The following LYST variants were observed in gnomAD, a reference collection of about 807,000 sequenced individuals.
LYST encodes lysosomal-trafficking regulator.
In LYST, 192 loss-of-function variants were observed where a neutral mutation model predicts 413.6. That is an observed-to-expected ratio of 0.46 (90% CI 0.41 to 0.52). The LOEUF is 0.52. Among genes scored for constraint, LYST ranks in the 20% least tolerant of loss-of-function variants. The probability of loss-of-function intolerance (pLI) is 0.00; values close to 1 mark genes in which losing one functional copy is unlikely to be tolerated. For synonymous variants in LYST, 1,525 were observed against 1,567.3 expected (o/e 0.97, Z 0.64); for missense variants, 3,815 against 4,499.9 (o/e 0.85, Z 4.35).
At chr1:235,713,166 C>T in intron 42 of LYST, 1 of 984,866 alleles carries the variant, frequency 1.0e-6, no homozygotes, top group Non-Finnish European at 1.2e-6. Context: ...TGGCTGGCCA[C>T]TAAAAAAAAT....
At chr1:235,768,036 T>A (rs1233569156) in intron 20 of LYST, among the ~76,000 whole-genome samples, 1 of 152,082 alleles carries the variant, frequency 6.6e-6, no homozygotes, top group African/African-American at 2.4e-5. Flanking sequence ...AAAATGGGTA[T>A]CTCCTGAGGT....
chr1:235,752,076 T>C lies in LYST; in HGVS notation c.7556A>G (p.Tyr2519Cys). 6.2e-7 allele frequency: 1 copy of C among 1,611,198 alleles called. No individual in the cohort carries two copies. Among genetic ancestry groups the C allele is most frequent in the Non-Finnish European group, 8.5e-7 (1 of 1,177,702 alleles). Residue 2519 changes from tyrosine (Y) to cysteine (C), a missense_variant, in exon 27 of 53, where the codon TAT becomes TGT. This residue lies in a region of LYST where 771 missense variants were observed against 837.1 expected (regional missense o/e 0.92). Coordinates refer to ENST00000389793, the MANE Select transcript of LYST (RefSeq NM_000081.4). ...IHACSSSGSQ[Y>C]FRVIEDLIVM... ...AATAAGGTCTTCAATAACCCTAAAATATTGTGAGCCTGAGGAACTGCAAGC... is the reference window on the plus strand; with the variant it reads ...AATAAGGTCTTCAATAACCCTAAAACATTGTGAGCCTGAGGAACTGCAAGC...
At chr1:235,802,639 T>C (rs1672371493) in intron 8 of LYST, among the ~76,000 whole-genome samples, 1 of 152,240 alleles carries the variant, frequency 6.6e-6, no homozygotes, top group African/African-American at 2.4e-5. Flanking sequence ...GTATTTATTG[T>C]CTTTCACACT....
intron 34 of LYST, among the ~76,000 whole-genome samples, chr1:235,732,234 G>A (rs1664450213): frequency 6.6e-6 from 1 of 152,164 alleles, no homozygotes; most frequent in Admixed American, 6.5e-5. Flanking sequence ...CCATATTACG[G>A]TTTATAACTT....
intron 50 of LYST, among the ~76,000 whole-genome samples, chr1:235,665,112 T>C (rs1571947905): frequency 6.6e-6 from 1 of 152,108 alleles, no homozygotes; most frequent in African/African-American, 2.4e-5. Flanking sequence ...TAGATCTTTA[T>C]GTATTAATCA....
chr1:235,835,255 AAAAAT>A (rs1311642022), intron 1 of LYST, among the ~76,000 whole-genome samples: 2 of 152,168 alleles, frequency 1.3e-5, no homozygotes, highest in Non-Finnish European at 2.9e-5. Context: ...TGGAAGGGGA[AAAAAT>A]AAAATAAAAT....
At chr1:235,742,300 C>T (rs1028053803) in intron 30 of LYST, among the ~76,000 whole-genome samples, 25 of 151,752 alleles carry the variant, frequency 1.6e-4, no homozygotes, top group African/African-American at 4.4e-4. Flanking sequence ...ACTAAAAATA[C>T]GAAAATTGGC....
In LYST at chr1:235,809,691, G is replaced by A; in HGVS notation, c.1127C>T (p.Pro376Leu). The change falls in exon 5 of 53, where the codon CCA becomes CTA. Residue 376 changes from proline to leucine, a missense_variant. Transcript: ENST00000389793. This position sits in a 1 kb window ranked among gnomAD's most constrained non-coding sequence, Gnocchi z 4.0. ...CLEKQPDPFA[P>L]RQKKTLQEVQ... ...CTCCTGCAGTGTTTTCTTTTGTCTT[G>A]GTGCAAAAGGGTCAGGCTGCTTTTC... is the stretch of plus-strand genomic sequence containing the variant. The A allele has an allele frequency of 6.2e-7, 1 of 1,613,402 alleles. No individual in the cohort carries two copies. Among genetic ancestry groups the A allele is most frequent in the South Asian group, 1.1e-5 (1 of 90,984 alleles).
At chr1:235,857,049 G>A (rs1353857792) in intron 1 of LYST, among the ~76,000 whole-genome samples, 4 of 150,712 alleles carry the variant, frequency 2.7e-5, no homozygotes, top group Non-Finnish European at 4.4e-5. Context: ...AGGTTCAAGC[G>A]ATTCTCATGC....
At chr1:235,832,392 A>G (rs1255669179) in intron 2 of LYST, among the ~76,000 whole-genome samples, 2 of 152,218 alleles carry the variant, frequency 1.3e-5, no homozygotes, top group Admixed American at 6.5e-5. Flanking sequence ...AATTAAGAAA[A>G]TGGAAATCAA....
chr1:235,752,436 A>C (rs576659993), intron 26 of LYST, among the ~76,000 whole-genome samples: 1 of 152,254 alleles, frequency 6.6e-6, no homozygotes, highest in African/African-American at 2.4e-5. Context: ...GATTACTATA[A>C]ATAGTAAATG....
Position 235,720,683 on chromosome 1 carries a change from G to A in LYST, c.9538C>T (p.Leu3180Phe). ...TACCTGTATATCAACAGATCATTGA[G>A]GTCAAGTGTCTCACTAACGTAGTCA... ...LADYVSETLD[L>F]NDLLIYRNLS... Residue 3180 changes from leucine to phenylalanine, a missense_variant, in exon 40 of 53, where the codon CTC (leucine) becomes TTC (phenylalanine). This residue lies in a region of LYST where 866 missense variants were observed against 1,156.0 expected (regional missense o/e 0.75). Transcript: ENST00000389793. The A allele has an allele frequency of 3.1e-6, 5 of 1,613,618 alleles. No individual in the cohort carries two copies. Among genetic ancestry groups the A allele is most frequent in the Admixed American group, 1.7e-5 (1 of 60,016 alleles).
chr1:235,833,655 A>G lies in LYST; in HGVS notation c.-85T>C. On this transcript the variant is annotated 5_prime_UTR_variant, in exon 2 of 53. Transcript: ENST00000389793. ...AACTAGATGAAACAAATATTCTTAGAACAAAGCTTCACCTACAAAAAAAAA... is the reference window on the plus strand; with the variant it reads ...AACTAGATGAAACAAATATTCTTAGGACAAAGCTTCACCTACAAAAAAAAA... 1 of 903,828 alleles carries G rather than the reference A, an allele frequency of 1.1e-6. No homozygotes were observed. Among genetic ancestry groups the G allele is most frequent in the Middle Eastern group, 5.6e-4 (1 of 1,772 alleles). 56.0% of individuals were successfully genotyped at this position (903,828 alleles called of 1,614,324 possible). A position where few individuals can be genotyped will look rare whatever the true frequency, so the allele number is the denominator to read the frequency against.
chr1:235,824,740 C>T (rs943133264), intron 3 of LYST, among the ~76,000 whole-genome samples: 2 of 151,966 alleles, frequency 1.3e-5, no homozygotes, highest in South Asian at 2.1e-4. Flanking sequence ...TAAAAACTAC[C>T]GCTGAGCGCA....
chr1:235,669,648 C>T (rs183555575), intron 50 of LYST, among the ~76,000 whole-genome samples: 29 of 152,314 alleles, frequency 1.9e-4, no homozygotes, highest in Admixed American at 5.9e-4. Flanking sequence ...ATTCACATGA[C>T]GTGAGCATAA....
chr1:235,774,151 C>T (rs1266549981), intron 18 of LYST, among the ~76,000 whole-genome samples, 160 bp from the exon 19 acceptor site: 1 of 152,138 alleles, frequency 6.6e-6, no homozygotes, highest in Non-Finnish European at 1.5e-5. Context: ...TTTTGTAAAA[C>T]AATTCAGATA....
rs969586922 is a variant in LYST at position 235,686,390 on chromosome 1, A to G, written c.10800+559T>C. ...TCAAAAAACAAAAACAAAACAAAAC[A>G]AAACAAAACCCCCCAAAAACAGTAA... is the stretch of plus-strand genomic sequence containing the variant. On this transcript the variant is annotated intron_variant, in intron 48 of 52. Transcript: ENST00000389793. The surrounding 1 kb of genome is among the most constrained non-coding windows in gnomAD (Gnocchi z 4.0). 7.9e-5 allele frequency among the ~76,000 whole-genome samples: 12 copies of G among 152,152 alleles called. No individual in the cohort carries two copies. Among genetic ancestry groups the G allele is most frequent in the Non-Finnish European group, 1.8e-4 (12 of 68,016 alleles).
intron 49 of LYST, 109 bp from the exon 50 acceptor site, chr1:235,677,297 A>G: frequency 9.4e-7 from 1 of 1,060,190 alleles, no homozygotes. Context: ...TAAGGCATAC[A>G]TGTTTTCCTA....
At chr1:235,803,515 G>T (rs1239045948) in intron 7 of LYST, among the ~76,000 whole-genome samples, 2 of 151,782 alleles carry the variant, frequency 1.3e-5, no homozygotes, top group African/African-American at 4.8e-5. Context: ...TTTTTCAAAG[G>T]GATTAATTAA....
Sources: gnomAD v4.1 joint callset for allele counts (sites outside exome capture counted in the v4.1 genomes callset) on GRCh38, gnomAD v4.1.1 for gene constraint, gnomAD v4.1.1 regional missense constraint, Gnocchi (gnomAD v3.1) non-coding constraint, MANE v1.5 for transcripts, NCBI Gene and HGNC (gene_info 2026-07-23, HGNC 2026-07-21) for gene names.